Variants in ACVR2B observed in about 807,000 individuals in gnomAD.
The protein encoded by ACVR2B is activin receptor type-2B.
A neutral mutation model predicts 65.1 loss-of-function variants in ACVR2B; 18 were observed. That is an observed-to-expected ratio of 0.28 (90% confidence interval 0.19 to 0.41). The LOEUF is 0.41. Among genes scored for constraint, ACVR2B ranks in the 10% least tolerant of loss-of-function variants. ACVR2B has a pLI of 1.00. For synonymous variants in ACVR2B, 298 were observed against 277.7 expected (o/e 1.07, Z -0.73); for missense variants, 482 against 682.7 (o/e 0.71, Z 3.28).
In ACVR2B at chr3:38,489,293, T is replaced by C. The variant is rs1205300187; in HGVS notation, c.*5961T>C. ...ATTTAGTTATATCACTTGACAGATT[T>C]CTTCTACACAGTGTGGAGATTGTTT... is the stretch of plus-strand genomic sequence containing the variant. On this transcript the variant is annotated 3_prime_UTR_variant, in exon 11 of 11. Transcript: ENST00000352511. The C allele has an allele frequency of 6.5e-6, 1 of 152,678 alleles. No homozygotes were observed. The highest frequency in any genetic ancestry group is 1.5e-5 in the Non-Finnish European group (1 of 68,046). 9.5% of individuals were successfully genotyped at this position (152,678 alleles called of 1,614,324 possible).
Position 38,486,144 on chromosome 3 carries a change from C to T in ACVR2B, c.*2812C>T, listed in dbSNP as rs1179520776. 1 of 152,202 alleles carries T rather than the reference C, an allele frequency of 6.6e-6. No homozygotes were observed. Among genetic ancestry groups the T allele is most frequent in the African/African-American group, 2.4e-5 (1 of 41,408 alleles). The allele number at this position is 152,202 out of a possible 1,614,324, so 9.4% of individuals were successfully genotyped here. On this transcript the variant is annotated 3_prime_UTR_variant, in exon 11 of 11. Transcript: ENST00000352511. ...CCTGCGTGCCTTTTCTCTGGGTGGCCTCCCCGTTAGGCCCACCGTACGCTC... is the reference window on the plus strand; with the variant it reads ...CCTGCGTGCCTTTTCTCTGGGTGGCTTCCCCGTTAGGCCCACCGTACGCTC...
Position 38,481,267 on chromosome 3 carries a change from G to A in ACVR2B, c.960-84G>A, listed in dbSNP as rs1208782836. On this transcript the variant is annotated intron_variant, in intron 7 of 10. Transcript: ENST00000352511. This position sits in a 1 kb window ranked among gnomAD's most constrained non-coding sequence, Gnocchi z 4.7. ...TGGCCTGGTCTGGGGCCTGACTCTA[G>A]GGCACAGACTCTAGTATCTTGGGAA... 8.4e-7 allele frequency: 1 copy of A among 1,196,600 alleles called. No individual in the cohort carries two copies. The highest frequency in any genetic ancestry group is 1.5e-5 in the African/African-American group (1 of 66,708). The allele number at this position is 1,196,600 out of a possible 1,614,324, so 74.1% of individuals were successfully genotyped here.
chr3:38,477,459 G>A lies in ACVR2B; in HGVS notation c.225G>A (p.Lys75=), dbSNP rs190550509. 6.2e-7 allele frequency: 1 copy of A among 1,614,142 alleles called. No homozygotes were observed. The highest frequency in any genetic ancestry group is 8.5e-7 in the Non-Finnish European group (1 of 1,179,988). ...NSSGTIELVK[K]GCWLDDFNCY... is the part of the protein sequence containing the mutation. ...CTGGCACCATCGAGCTCGTGAAGAA[G>A]GGCTGCTGGCTAGATGACTTCAACT... The change falls in exon 2 of 11, where the codon AAG becomes AAA. Residue 75 remains lysine, a synonymous_variant. Transcript: ENST00000352511. This position sits in a 1 kb window ranked among gnomAD's most constrained non-coding sequence, Gnocchi z 6.7.
At chr3:38,455,397 C>A (rs1047848004) in intron 1 of ACVR2B, among the ~76,000 whole-genome samples, 1 of 152,122 alleles carries the variant, frequency 6.6e-6, no homozygotes, top group African/African-American at 2.4e-5. Flanking sequence ...TCCCAGCCCC[C>A]ATTACACATG....
At position 38,482,326 on chromosome 3, in the gene ACVR2B, G is replaced by A. The variant is rs1366392755; in HGVS notation, c.1203G>A (p.Lys401=). Residue 401 remains lysine, a synonymous_variant, in exon 9 of 11, where the codon AAG becomes AAA. Coordinates refer to ENST00000352511, the MANE Select transcript of ACVR2B (RefSeq NM_001106.4). ...TGTGGGAGCTTGTGTCTCGCTGCAA[G>A]GCTGCAGACGGTAAGTAGGATGGCA... The part of the protein sequence containing the change: ...LVLWELVSRC[K]AADGPVDEYM... 6.2e-7 allele frequency: 1 copy of A among 1,611,604 alleles called. No individual in the cohort carries two copies. Among genetic ancestry groups the A allele is most frequent in the East Asian group, 2.2e-5 (1 of 44,842 alleles).
In ACVR2B at chr3:38,487,046, G is replaced by A. The variant is rs928813; in HGVS notation, c.*3714G>A. 4 of 152,336 alleles carry A rather than the reference G, an allele frequency of 2.6e-5. No homozygotes were observed. Among genetic ancestry groups the A allele is most frequent in the African/African-American group, 4.8e-5 (2 of 41,426 alleles). 9.4% of individuals were successfully genotyped at this position (152,336 alleles called of 1,614,324 possible). On this transcript the variant is annotated 3_prime_UTR_variant, in exon 11 of 11. Coordinates refer to ENST00000352511, the MANE Select transcript of ACVR2B (RefSeq NM_001106.4). ...GGGGCAAGGGCTGCAAGTGGGCTGT[G>A]CTTAGGAGAAAGTGACACCTGGCAG...
Position 38,477,543 on chromosome 3 carries a change from A to G in ACVR2B, c.260+49A>G. ...TCCTCTTGGACCCACCTGCGCTTAT[A>G]CTGCCCACTGGGCCATTTGGGTCTC... On this transcript the variant is annotated intron_variant, in intron 2 of 10. Coordinates refer to ENST00000352511, the MANE Select transcript of ACVR2B (RefSeq NM_001106.4). The surrounding 1 kb of genome is among the most constrained non-coding windows in gnomAD (Gnocchi z 6.7). 1 of 1,586,340 alleles carries G rather than the reference A, an allele frequency of 6.3e-7. No homozygotes were observed. Among genetic ancestry groups the G allele is most frequent in the Non-Finnish European group, 8.6e-7 (1 of 1,164,356 alleles).
intron 1 of ACVR2B, among the ~76,000 whole-genome samples, chr3:38,465,640 G>T (rs1390310428): frequency 1.3e-5 from 2 of 152,148 alleles, no homozygotes; most frequent in Admixed American, 1.3e-4. Context: ...TGGACAGGCA[G>T]AAAGATGGAT....
At chr3:38,461,855 C>T (rs1366144322) in intron 1 of ACVR2B, among the ~76,000 whole-genome samples, 1 of 152,126 alleles carries the variant, frequency 6.6e-6, no homozygotes, top group Admixed American at 6.5e-5. Context: ...ATGTATTCTT[C>T]CAGACATTTT....
At chr3:38,467,057 G>A (rs1709742660) in intron 1 of ACVR2B, among the ~76,000 whole-genome samples, 2 of 152,230 alleles carry the variant, frequency 1.3e-5, no homozygotes, top group Admixed American at 1.3e-4. Context: ...ACAATGTCCA[G>A]GAAGAGAGTG....
chr3:38,479,585 C>T (rs1709980400), intron 6 of ACVR2B, 93 bp from the exon 7 acceptor site: 6 of 1,445,900 alleles, frequency 4.1e-6, no homozygotes, highest in Non-Finnish European at 1.9e-6. Flanking sequence ...AGCAGCCTAG[C>T]CATTGGCCCA....
chr3:38,457,486 G>C (rs1210557957), intron 1 of ACVR2B, among the ~76,000 whole-genome samples: 5 of 152,172 alleles, frequency 3.3e-5, no homozygotes, highest in Non-Finnish European at 7.3e-5. Context: ...GTGGTTAGTT[G>C]GTTCTTTAAT....
Position 38,481,583 on chromosome 3 carries a change from T to G in ACVR2B, c.1074+118T>G. The G allele has an allele frequency of 3.6e-6, 3 of 822,184 alleles. No individual in the cohort carries two copies. The highest frequency in any genetic ancestry group is 1.4e-5 in the South Asian group (1 of 71,664). 50.9% of individuals were successfully genotyped at this position (822,184 alleles called of 1,614,324 possible). A position where few individuals can be genotyped will look rare whatever the true frequency, so the allele number is the denominator to read the frequency against. On this transcript the variant is annotated intron_variant, in intron 8 of 10. Transcript: ENST00000352511. This position sits in a 1 kb window ranked among gnomAD's most constrained non-coding sequence, Gnocchi z 4.7. ...GTGACTGCATGCGTTCAGAGCTGTC[T>G]GAGAACTTAGAGCAATGCTCTTGTT...
At chr3:38,479,355 T>C in intron 6 of ACVR2B, 84 bp downstream of exon 6, 1 of 1,587,510 alleles carries the variant, frequency 6.3e-7, no homozygotes, top group Non-Finnish European at 8.6e-7. Context: ...ACCCCTTCCC[T>C]GTGGAGGTGT....
At chr3:38,475,637 C>T (rs1376753764) in intron 1 of ACVR2B, 1 of 152,294 alleles carries the variant, frequency 6.6e-6, no homozygotes, top group Non-Finnish European at 1.5e-5. Context: ...CAGTCAGTAT[C>T]CTTCTCTCTG....
Position 38,483,289 on chromosome 3 carries a change from C to G in ACVR2B, c.1496C>G (p.Ser499Cys), listed in dbSNP as rs1364972061. ...TSDCLVSLVT[S>C]VTNVDLPPKE... ...GACTGTCTCGTTTCCCTGGTGACCT[C>G]TGTCACCAATGTGGACCTGCCCCCT... Residue 499 changes from serine (S) to cysteine (C), a missense_variant, in exon 11 of 11, where the codon TCT becomes TGT. This residue lies in a region of ACVR2B where 38 missense variants were observed against 29.3 expected (regional missense o/e 1.30). Coordinates refer to ENST00000352511, the MANE Select transcript of ACVR2B (RefSeq NM_001106.4). The surrounding 1 kb of genome is among the most constrained non-coding windows in gnomAD (Gnocchi z 4.8). 1 of 1,614,068 alleles carries G rather than the reference C, an allele frequency of 6.2e-7. No homozygotes were observed. The highest frequency in any genetic ancestry group is 8.5e-7 in the Non-Finnish European group (1 of 1,179,996).
chr3:38,479,896 A>G (rs1709987676), intron 7 of ACVR2B, 70 bp downstream of exon 7: 1 of 1,564,574 alleles, frequency 6.4e-7, no homozygotes, highest in South Asian at 1.1e-5. Flanking sequence ...GGGCGAGAGC[A>G]GTGTCTGGAG....
rs888984106 is a variant in ACVR2B at position 38,488,251 on chromosome 3, T to A, written c.*4919T>A. ...GTTGATGAACTGTATATCTTCTCAG[T>A]CTAGATTTGTAAATGTTTAATGAAT... is the stretch of plus-strand genomic sequence containing the variant. On this transcript the variant is annotated 3_prime_UTR_variant, in exon 11 of 11. Coordinates refer to ENST00000352511, the MANE Select transcript of ACVR2B (RefSeq NM_001106.4). 3.3e-5 allele frequency: 5 copies of A among 152,198 alleles called. No homozygotes were observed. The highest frequency in any genetic ancestry group is 7.2e-5 in the African/African-American group (3 of 41,444). The allele number at this position is 152,198 out of a possible 1,614,324, so 9.4% of individuals were successfully genotyped here. A position where few individuals can be genotyped will look rare whatever the true frequency, so the allele number is the denominator to read the frequency against.
In ACVR2B at chr3:38,477,121, G is replaced by C; in HGVS notation, c.53-166G>C. The C allele has an allele frequency of 1.5e-6, 1 of 686,486 alleles. No homozygotes were observed. The highest frequency in any genetic ancestry group is 2.4e-5 in the Admixed American group (1 of 40,950). 42.5% of individuals were successfully genotyped at this position (686,486 alleles called of 1,614,324 possible). ...GGCACACGTAAATTAAGAGGTGTGG[G>C]ACGGATGGGTGGCCTACGTCCAGGG... On this transcript the variant is annotated intron_variant, in intron 1 of 10. Coordinates refer to ENST00000352511, the MANE Select transcript of ACVR2B (RefSeq NM_001106.4). The surrounding 1 kb of genome is among the most constrained non-coding windows in gnomAD (Gnocchi z 6.7).
Sources: allele counts gnomAD v4.1 joint callset (sites outside exome capture counted in the v4.1 genomes callset), GRCh38; gene constraint gnomAD v4.1.1; regional missense constraint gnomAD v4.1.1; non-coding constraint Gnocchi (gnomAD v3.1); transcripts MANE v1.5; gene names NCBI Gene and HGNC (gene_info 2026-07-23, HGNC 2026-07-21).